The following PDE11A variants were observed in gnomAD, a reference collection of about 807,000 sequenced individuals.
The protein encoded by PDE11A is phosphodiesterase 11A, also known as dual 3',5'-cyclic-AMP and -GMP phosphodiesterase 11A.
PDE11A carries 100 observed loss-of-function variants against 100.5 expected under a neutral mutation model. That is an observed-to-expected ratio of 1.00 (90% CI 0.85 to 1.18). PDE11A has a LOEUF of 1.18. Ranked by LOEUF, PDE11A falls within the 50% of genes most tolerant of loss-of-function variation. The pLI, the probability that PDE11A is intolerant of heterozygous loss-of-function variation, is 0.00. For missense variants in PDE11A, 1,141 were observed against 1,152.6 expected (o/e 0.99, Z 0.15); for synonymous variants, 381 against 420.8 (o/e 0.91, Z 1.16).
chr2:178,042,188 T>G (rs1418700326), intron 1 of PDE11A, among the ~76,000 whole-genome samples: 1 of 152,118 alleles, frequency 6.6e-6, no homozygotes, highest in African/African-American at 2.4e-5. Flanking sequence ...TTAAATAAAA[T>G]TCATCCTAAG....
At position 177,962,928 on chromosome 2, in the gene PDE11A, A is replaced by T. The variant is rs554001886; in HGVS notation, c.1071+51374T>A. ...ATACTGTATCCAAATGCATTTTTTT[A>T]AAAAATATTCTGAACTGTTATTTCC... On this transcript the variant is annotated intron_variant, in intron 2 of 19. Transcript: ENST00000286063. Among the ~76,000 whole-genome samples, 524 of 152,298 alleles carry T rather than the reference A, an allele frequency of 3.4e-3. 3 individuals are homozygous for T. The highest frequency in any genetic ancestry group is 5.7e-3 in the Non-Finnish European group (388 of 68,022).
chr2:177,925,597 T>G (rs1056430133), intron 2 of PDE11A, among the ~76,000 whole-genome samples: 7 of 152,228 alleles, frequency 4.6e-5, no homozygotes, highest in African/African-American at 7.2e-5. Flanking sequence ...TCTTGTAAAT[T>G]TGTTTGAGTT....
intron 4 of PDE11A, among the ~76,000 whole-genome samples, chr2:177,880,402 G>GC (rs1260933662): frequency 6.6e-6 from 1 of 152,104 alleles, no homozygotes; most frequent in Non-Finnish European, 1.5e-5. Flanking sequence ...TAAGGCTCAG[G>GC]CCCCGGTTGG....
At chr2:178,055,463 G>A (rs1030260884) in intron 1 of PDE11A, among the ~76,000 whole-genome samples, 4 of 151,944 alleles carry the variant, frequency 2.6e-5, no homozygotes, top group Non-Finnish European at 4.4e-5. Flanking sequence ...AAACCTGCAC[G>A]TTGTGCACAT....
intron 2 of PDE11A, among the ~76,000 whole-genome samples, chr2:177,957,514 G>A (rs2085580049): frequency 6.6e-6 from 1 of 152,112 alleles, no homozygotes; most frequent in African/African-American, 2.4e-5. Context: ...AACCATTTTT[G>A]TCTGGAAAAC....
chr2:177,875,977 A>T, intron 4 of PDE11A, 54 bp from the exon 5 acceptor site: 1 of 971,972 alleles, frequency 1.0e-6, no homozygotes, highest in Non-Finnish European at 1.7e-6. Context: ...ATTGCCGTTT[A>T]AAATAATGTA....
chr2:177,641,627 T>C (rs2080145061), intron 19 of PDE11A, among the ~76,000 whole-genome samples: 1 of 152,172 alleles, frequency 6.6e-6, no homozygotes, highest in African/African-American at 2.4e-5. Context: ...TTAATTTGTA[T>C]TAAATTGCTT....
chr2:177,810,804 A>G (rs948237133), intron 9 of PDE11A, among the ~76,000 whole-genome samples: 1 of 149,120 alleles, frequency 6.7e-6, no homozygotes, highest in Non-Finnish European at 1.5e-5. Context: ...AACAAGTAGA[A>G]GGCTATTGCA....
chr2:177,660,984 G>A (rs1257674575), intron 19 of PDE11A, among the ~76,000 whole-genome samples: 1 of 152,092 alleles, frequency 6.6e-6, no homozygotes, highest in Non-Finnish European at 1.5e-5. Context: ...CTCCAGCCGT[G>A]GGGTGCCCTG....
At chr2:177,801,407 T>C (rs2082794111) in intron 9 of PDE11A, among the ~76,000 whole-genome samples, 1 of 152,180 alleles carries the variant, frequency 6.6e-6, no homozygotes, top group South Asian at 2.1e-4. Context: ...TACCAAAAAG[T>C]AGAAGCTCAA....
chr2:177,789,437 G>A (rs996176649), intron 9 of PDE11A, among the ~76,000 whole-genome samples: 1 of 151,746 alleles, frequency 6.6e-6, no homozygotes, highest in African/African-American at 2.4e-5. Flanking sequence ...ATATCATACT[G>A]AATGGGCAAA....
chr2:178,007,320 G>A (rs564440986), intron 2 of PDE11A, among the ~76,000 whole-genome samples: 172 of 152,316 alleles, frequency 1.1e-3, no homozygotes, highest in African/African-American at 4.1e-3. Context: ...GTAGAAAGCT[G>A]CAGTGCCACT....
intron 9 of PDE11A, among the ~76,000 whole-genome samples, chr2:177,799,161 A>C (rs1219099484): frequency 6.6e-6 from 1 of 152,194 alleles, no homozygotes; most frequent in Non-Finnish European, 1.5e-5. Flanking sequence ...CGAGACTGTC[A>C]AGGTCAACAA....
At chr2:177,640,153 C>T (rs918994199) in intron 19 of PDE11A, among the ~76,000 whole-genome samples, 1 of 152,064 alleles carries the variant, frequency 6.6e-6, no homozygotes, top group Non-Finnish European at 1.5e-5. Flanking sequence ...CTAAGTGACA[C>T]AATATACCAT....
At chr2:178,060,009 G>A (rs893599985) in intron 1 of PDE11A, among the ~76,000 whole-genome samples, 2 of 152,206 alleles carry the variant, frequency 1.3e-5, no homozygotes, top group Admixed American at 1.3e-4. Flanking sequence ...TGAAATATGA[G>A]CAAGAAATGT....
chr2:177,998,705 G>A, intron 2 of PDE11A: 5 of 1,072,426 alleles, frequency 4.7e-6, no homozygotes, highest in Middle Eastern at 2.7e-4. Flanking sequence ...CTTTATGCTG[G>A]CCCACTCGCT....
At chr2:177,682,567 A>G (rs2080881255) in intron 15 of PDE11A, among the ~76,000 whole-genome samples, 1 of 152,262 alleles carries the variant, frequency 6.6e-6, no homozygotes, top group African/African-American at 2.4e-5. Flanking sequence ...TAGTGAGAAA[A>G]GGAAAAAAAG....
At chr2:177,985,571 T>G (rs1048518748) in intron 2 of PDE11A, among the ~76,000 whole-genome samples, 2 of 152,210 alleles carry the variant, frequency 1.3e-5, no homozygotes, top group African/African-American at 4.8e-5. Flanking sequence ...GCCTCTATAT[T>G]TAGAGAAATT....
rs961717246 is a variant in PDE11A at position 177,623,500 on chromosome 2, T to C, written c.*5907A>G. ...TCAGTAGGAGATCCTTTTTAGGTTA[T>C]TGTACATGAAAATAAAATGGCAAAA... On this transcript the variant is annotated 3_prime_UTR_variant, in exon 20 of 20. Transcript: ENST00000286063. The C allele has an allele frequency of 1.1e-4, 16 of 152,238 alleles. No homozygotes were observed. Among genetic ancestry groups the C allele is most frequent in the Non-Finnish European group, 1.9e-4 (13 of 68,030 alleles). The allele number at this position is 152,238 out of a possible 1,614,324, so 9.4% of individuals were successfully genotyped here. A position where few individuals can be genotyped will look rare whatever the true frequency, so the allele number is the denominator to read the frequency against.
Sources: gnomAD v4.1 joint callset for allele counts (sites outside exome capture counted in the v4.1 genomes callset) on GRCh38, gnomAD v4.1.1 for gene constraint, MANE v1.5 for transcripts, NCBI Gene and HGNC (gene_info 2026-07-23, HGNC 2026-07-21) for gene names.